Variants in INPP4B observed in about 807,000 individuals in gnomAD.
INPP4B encodes inositol polyphosphate-4-phosphatase type II B.
In INPP4B, 55 loss-of-function variants were observed where a neutral mutation model predicts 122.5. That is an observed-to-expected ratio of 0.45 (90% confidence interval 0.36 to 0.56). The LOEUF is 0.56. Ranked by LOEUF, INPP4B falls within the 20% of genes least tolerant of loss-of-function variation. INPP4B has a pLI of 0.00. For synonymous variants in INPP4B, 403 were observed against 388.7 expected (o/e 1.04, Z -0.43); for missense variants, 1,000 against 1,097.7 (o/e 0.91, Z 1.26).
At chr4:142,241,049 C>T (rs929518594) in intron 11 of INPP4B, among the ~76,000 whole-genome samples, 1 of 152,128 alleles carries the variant, frequency 6.6e-6, no homozygotes, top group Non-Finnish European at 1.5e-5. Flanking sequence ...CACACACACT[C>T]CAGCTGTGGA....
intron 1 of INPP4B, among the ~76,000 whole-genome samples, chr4:142,817,841 G>A (rs1327345634): frequency 6.6e-6 from 1 of 152,064 alleles, no homozygotes; most frequent in African/African-American, 2.4e-5. Flanking sequence ...CTTTATAACT[G>A]CTATATATTG....
chr4:142,103,712 C>T (rs1369342005), intron 23 of INPP4B, among the ~76,000 whole-genome samples: 4 of 152,022 alleles, frequency 2.6e-5, no homozygotes, highest in Non-Finnish European at 4.4e-5. Context: ...CTTTCATCAT[C>T]CAAACTGAAT....
chr4:142,192,354 A>AAAAAAAAAAAATAAAAAAAAAAG (rs148371542), intron 15 of INPP4B, among the ~76,000 whole-genome samples: 1 of 73,142 alleles, frequency 1.4e-5, no homozygotes, highest in Admixed American at 2.0e-4. Flanking sequence ...AAAAAAAAAA[A>AAAAAAAAAAAATAAAAAAAAAAG]TGGGATTCTT....
chr4:142,414,269 G>T (rs1366998765), intron 5 of INPP4B, among the ~76,000 whole-genome samples: 1 of 151,978 alleles, frequency 6.6e-6, no homozygotes, highest in East Asian at 1.9e-4. Context: ...GTCTGTGTGT[G>T]TGTTAAATAG....
intron 7 of INPP4B, among the ~76,000 whole-genome samples, chr4:142,361,293 T>C (rs1785297638): frequency 6.6e-6 from 1 of 152,006 alleles, no homozygotes; most frequent in African/African-American, 2.4e-5. Context: ...AAACCCTTTA[T>C]GAAGTGGCCC....
At chr4:142,464,561 T>A (rs1817384553) in intron 2 of INPP4B, among the ~76,000 whole-genome samples, 1 of 152,006 alleles carries the variant, frequency 6.6e-6, no homozygotes, top group Non-Finnish European at 1.5e-5. Flanking sequence ...TCTTTAGATT[T>A]CTCATTTTTT....
chr4:142,569,916 T>C (rs1158989826), intron 2 of INPP4B, among the ~76,000 whole-genome samples: 1 of 152,092 alleles, frequency 6.6e-6, no homozygotes, highest in Non-Finnish European at 1.5e-5. Flanking sequence ...ACAAAATACA[T>C]AGGTAATAAA....
chr4:142,613,214 T>C (rs1013512193), intron 2 of INPP4B, among the ~76,000 whole-genome samples: 5 of 152,222 alleles, frequency 3.3e-5, no homozygotes, highest in African/African-American at 9.6e-5. Flanking sequence ...GGAAAAGAGA[T>C]ACAATTCCAT....
chr4:142,502,955 T>C (rs1823576567), intron 2 of INPP4B, among the ~76,000 whole-genome samples: 1 of 152,090 alleles, frequency 6.6e-6, no homozygotes. Context: ...CCTAGTTTGG[T>C]TCGATAATAA....
intron 1 of INPP4B, among the ~76,000 whole-genome samples, chr4:142,752,176 A>G (rs1769832294): frequency 6.6e-6 from 1 of 152,102 alleles, no homozygotes; most frequent in Admixed American, 6.6e-5. Context: ...CTAGCCACAT[A>G]AGGTGAAGAT....
intron 25 of INPP4B, among the ~76,000 whole-genome samples, chr4:142,059,504 AC>A (rs1759491009): frequency 6.6e-6 from 1 of 152,198 alleles, no homozygotes; most frequent in Non-Finnish European, 1.5e-5. Flanking sequence ...GAGAAGGAAC[AC>A]AACATATTCA....
At chr4:142,394,785 T>C (rs1798825796) in intron 7 of INPP4B, among the ~76,000 whole-genome samples, 1 of 152,214 alleles carries the variant, frequency 6.6e-6, no homozygotes, top group South Asian at 2.1e-4. Flanking sequence ...TATTAATTGC[T>C]TCCTTTTATG....
chr4:142,152,078 T>C (rs1451270506), intron 17 of INPP4B, among the ~76,000 whole-genome samples: 1 of 120,248 alleles, frequency 8.3e-6, no homozygotes, highest in African/African-American at 4.1e-5. Flanking sequence ...TTTTTTTTTT[T>C]TTTTTTTTTT....
At chr4:142,068,702 C>G (rs1435126125) in intron 25 of INPP4B, among the ~76,000 whole-genome samples, 1 of 152,124 alleles carries the variant, frequency 6.6e-6, no homozygotes, top group African/African-American at 2.4e-5. Flanking sequence ...ATAAAACAGC[C>G]TTTAAACCAA....
intron 7 of INPP4B, among the ~76,000 whole-genome samples, chr4:142,370,046 T>C (rs1471074768): frequency 2.0e-5 from 3 of 152,108 alleles, no homozygotes; most frequent in East Asian, 3.9e-4. Flanking sequence ...AGACCAATTG[T>C]AGTAAACATA....
At chr4:142,262,013 C>T (rs975867687) in intron 10 of INPP4B, among the ~76,000 whole-genome samples, 4 of 152,108 alleles carry the variant, frequency 2.6e-5, no homozygotes, top group Non-Finnish European at 5.9e-5. Context: ...TTCCTCTAAT[C>T]CACAGCAATT....
chr4:142,750,140 A>G (rs1177826281), intron 1 of INPP4B, among the ~76,000 whole-genome samples: 2 of 152,078 alleles, frequency 1.3e-5, no homozygotes, highest in African/African-American at 2.4e-5. Flanking sequence ...AGTACATTTT[A>G]AAATTGCACA....
intron 7 of INPP4B, among the ~76,000 whole-genome samples, chr4:142,392,741 T>C (rs1003051130): frequency 6.6e-6 from 1 of 152,200 alleles, no homozygotes. Context: ...CCTGTCAAAG[T>C]TATGCTAAAT....
chr4:142,295,886 A>G (rs544947690), intron 9 of INPP4B, among the ~76,000 whole-genome samples: 5 of 152,250 alleles, frequency 3.3e-5, no homozygotes, highest in African/African-American at 1.2e-4. Context: ...TGTCCAGTGA[A>G]GCAGAAACAC....
Sources: gnomAD v4.1 joint callset for allele counts (sites outside exome capture counted in the v4.1 genomes callset) on GRCh38, gnomAD v4.1.1 for gene constraint, MANE v1.5 for transcripts, NCBI Gene and HGNC (gene_info 2026-07-23, HGNC 2026-07-21) for gene names.